Variants in PARD3B observed in about 807,000 individuals in gnomAD.
PARD3B encodes par-3 family cell polarity regulator beta.
In PARD3B, 103 loss-of-function variants were observed where a neutral mutation model predicts 130.2. That is an observed-to-expected ratio of 0.79 (90% confidence interval 0.67 to 0.93). The LOEUF (loss-of-function observed/expected upper bound fraction) is 0.93. Among genes scored for constraint, PARD3B ranks in the 40% least tolerant of loss-of-function variants. PARD3B has a pLI of 0.00. For missense variants in PARD3B, 1,609 were observed against 1,499.2 expected (o/e 1.07, Z -1.21); for synonymous variants, 583 against 553.2 (o/e 1.05, Z -0.76).
At chr2:205,462,117 A>G (rs1184974711) in intron 20 of PARD3B, among the ~76,000 whole-genome samples, 2 of 152,226 alleles carry the variant, frequency 1.3e-5, no homozygotes, top group Non-Finnish European at 2.9e-5. Context: ...GGTTTTGTGC[A>G]TTAGTCTTTG....
chr2:204,685,952 C>T (rs961517558), intron 1 of PARD3B, among the ~76,000 whole-genome samples: 4 of 152,042 alleles, frequency 2.6e-5, no homozygotes, highest in African/African-American at 9.7e-5. Flanking sequence ...AATTTACCTT[C>T]CAGGAAAATT....
chr2:205,023,597 G>A (rs1009731404), intron 3 of PARD3B, among the ~76,000 whole-genome samples: 9 of 126,340 alleles, frequency 7.1e-5, no homozygotes, highest in African/African-American at 2.2e-4. Flanking sequence ...GACCTTGTTC[G>A]CAGTTCCCAA....
At chr2:205,001,451 C>T (rs1366428155) in intron 3 of PARD3B, among the ~76,000 whole-genome samples, 8 of 152,154 alleles carry the variant, frequency 5.3e-5, no homozygotes, top group Non-Finnish European at 1.5e-5. Flanking sequence ...CATTTATTTC[C>T]TTTTCATACA....
At chr2:204,924,098 C>G (rs147502840) in intron 2 of PARD3B, among the ~76,000 whole-genome samples, 10 of 152,094 alleles carry the variant, frequency 6.6e-5, no homozygotes, top group Non-Finnish European at 1.3e-4. Context: ...TTGAGCAAAT[C>G]AGATCTTATG....
intron 19 of PARD3B, among the ~76,000 whole-genome samples, chr2:205,415,637 A>C (rs1413370424): frequency 6.6e-6 from 1 of 152,184 alleles, no homozygotes; most frequent in Non-Finnish European, 1.5e-5. Flanking sequence ...TGCAATCCTC[A>C]TTGATCAATT....
intron 2 of PARD3B, among the ~76,000 whole-genome samples, chr2:204,939,230 C>T (rs189398437): frequency 9.2e-5 from 14 of 152,172 alleles, no homozygotes; most frequent in East Asian, 3.9e-4. Flanking sequence ...AACGTATTAA[C>T]GCTCCAACCA....
At chr2:204,719,740 A>G (rs1177435703) in intron 2 of PARD3B, among the ~76,000 whole-genome samples, 2 of 152,190 alleles carry the variant, frequency 1.3e-5, no homozygotes, top group Non-Finnish European at 2.9e-5. Context: ...CTTGAATTTC[A>G]TCATGATATG....
rs1404205299 is a variant in PARD3B at position 205,397,779 on chromosome 2, A to G, written c.2631-3234A>G. Among the ~76,000 whole-genome samples, 1 of 152,180 alleles carries G rather than the reference A, an allele frequency of 6.6e-6. No individual in the cohort carries two copies. The highest frequency in any genetic ancestry group is 1.5e-5 in the Non-Finnish European group (1 of 68,036). ...TTGAATATTTTGCCCAAACATTACT[A>G]TATTTAATGACATTTTAAGCAAAAG... On this transcript the variant is annotated intron_variant, in intron 18 of 22. Coordinates refer to ENST00000406610, the MANE Select transcript of PARD3B (RefSeq NM_001302769.2). The surrounding 1 kb of genome is among the most constrained non-coding windows in gnomAD (Gnocchi z 4.8).
At chr2:204,700,537 C>G (rs1180301446) in intron 2 of PARD3B, among the ~76,000 whole-genome samples, 2 of 152,102 alleles carry the variant, frequency 1.3e-5, no homozygotes, top group Non-Finnish European at 2.9e-5. Flanking sequence ...ATTATGACAT[C>G]TAGTTGATTA....
At chr2:204,607,094 T>C (rs60795100) in intron 1 of PARD3B, among the ~76,000 whole-genome samples, 430 of 152,232 alleles carry the variant, frequency 2.8e-3, no homozygotes, top group African/African-American at 9.7e-3. Context: ...GCATAGTCAC[T>C]AGGGTTCTGA....
chr2:205,138,038 A>G (rs2032634805), intron 10 of PARD3B, among the ~76,000 whole-genome samples: 1 of 152,184 alleles, frequency 6.6e-6, no homozygotes, highest in Admixed American at 6.5e-5. Flanking sequence ...CCGATAGGGA[A>G]GTGGGAGTGT....
At chr2:205,134,299 G>C (rs2032279714) in intron 10 of PARD3B, among the ~76,000 whole-genome samples, 1 of 150,870 alleles carries the variant, frequency 6.6e-6, no homozygotes, top group South Asian at 2.1e-4. Flanking sequence ...GAGGTTGGTG[G>C]ATTGCTTGAA....
chr2:205,190,428 A>T (rs10196239), intron 14 of PARD3B, among the ~76,000 whole-genome samples: 74,977 of 152,098 alleles, frequency 0.49, 19,035 homozygotes, highest in East Asian at 0.67. Flanking sequence ...TTATTGCATG[A>T]TGTGCACCAT....
intron 4 of PARD3B, chr2:205,048,583 C>A (rs1323965075): frequency 6.6e-6 from 1 of 152,166 alleles, no homozygotes; most frequent in Admixed American, 6.5e-5. Context: ...TTAAGTCTCA[C>A]TGTCTATAAC....
At chr2:205,193,351 G>C (rs1442053400) in intron 15 of PARD3B, 31 bp downstream of exon 15, 2 of 1,471,450 alleles carry the variant, frequency 1.4e-6, no homozygotes, top group Non-Finnish European at 1.9e-6. Context: ...ATCCAGGTCA[G>C]CTCTCCAGCC....
At chr2:204,579,215 C>G (rs931916014) in intron 1 of PARD3B, among the ~76,000 whole-genome samples, 5 of 152,036 alleles carry the variant, frequency 3.3e-5, no homozygotes, top group African/African-American at 1.2e-4. Context: ...AAGGCACACT[C>G]TAGAGGTTTT....
At chr2:205,609,883 A>G (rs2055168386) in intron 22 of PARD3B, among the ~76,000 whole-genome samples, 1 of 152,210 alleles carries the variant, frequency 6.6e-6, no homozygotes, top group South Asian at 2.1e-4. Flanking sequence ...TCATCAGATG[A>G]GATACTGTAG....
chr2:204,546,537 T>C (rs2029952000), intron 1 of PARD3B, among the ~76,000 whole-genome samples: 1 of 152,192 alleles, frequency 6.6e-6, no homozygotes, highest in African/African-American at 2.4e-5. Flanking sequence ...AAGGCCCGCC[T>C]CACTTAGGCT....
chr2:205,517,793 C>T (rs1272204033), intron 21 of PARD3B, among the ~76,000 whole-genome samples: 1 of 152,130 alleles, frequency 6.6e-6, no homozygotes, highest in Admixed American at 6.6e-5. Flanking sequence ...GTTTTGTTCT[C>T]ATTAGTTTTA....
Sources: gnomAD v4.1 joint callset for allele counts (sites outside exome capture counted in the v4.1 genomes callset) on GRCh38, gnomAD v4.1.1 for gene constraint, Gnocchi (gnomAD v3.1) non-coding constraint, MANE v1.5 for transcripts, NCBI Gene and HGNC (gene_info 2026-07-23, HGNC 2026-07-21) for gene names.